FAT2: variants seen among roughly 807,000 people sequenced by gnomAD.
FAT2 encodes the protein protocadherin Fat 2.
In FAT2, 150 loss-of-function variants were observed where a neutral mutation model predicts 295.3. The observed-to-expected ratio is 0.51, with a 90% CI of 0.44 to 0.58. The LOEUF is 0.58. FAT2 is among the 20% of genes least tolerant of loss of function. FAT2 has a pLI of 0.00. For missense variants in FAT2, 4,868 were observed against 5,442.7 expected, an observed-to-expected ratio of 0.89 and a Z score of 3.32; for synonymous variants, 2,026 against 2,150.3, an observed-to-expected ratio of 0.94 and a Z score of 1.60.
At position 151,568,561 on chromosome 5, in the gene FAT2, T is replaced by G. The variant is rs564490618; in HGVS notation, c.371A>C (p.Lys124Thr). ...GGTCAAAGCTTCCAACTCCAAGGTC[T>G]TCTCTGTGGCTTGGATGATGAGGGT... ...SYTLIIQATE[K>T]TLELEALTRV... Residue 124 changes from lysine to threonine, a missense_variant, in exon 2 of 24, where the codon AAG becomes ACG. Coordinates refer to ENST00000261800, the MANE Select transcript of FAT2 (RefSeq NM_001447.3). 6.2e-7 allele frequency: 1 copy of G among 1,614,112 alleles called. No homozygotes were observed. Among genetic ancestry groups the G allele is most frequent in the South Asian group, 1.1e-5 (1 of 91,066 alleles).
rs751529798 is a variant in FAT2 at position 151,568,322 on chromosome 5, T to A, written c.610A>T (p.Thr204Ser). The change falls in exon 2 of 24, where the codon ACT becomes TCT. Residue 204 changes from threonine to serine, a missense_variant. Physicochemically the swap from Thr to Ser is moderately conservative, Grantham distance 58 (BLOSUM62 1). This residue lies in a region of FAT2 where 3,297 missense variants were observed against 3,669.4 expected (regional missense o/e 0.90). Coordinates refer to ENST00000261800, the MANE Select transcript of FAT2 (RefSeq NM_001447.3). ...FAIHPTSGVVTVAGKLNVTWR... is the reference protein window; with the variant it reads ...FAIHPTSGVVSVAGKLNVTWR... ...GTGACGTTAAGCTTCCCAGCCACAG[T>A]GACCACACCGCTGGTGGGATGGATG... 1 of 1,614,226 alleles carries A rather than the reference T, an allele frequency of 6.2e-7. No homozygotes were observed. The highest frequency in any genetic ancestry group is 8.5e-7 in the Non-Finnish European group (1 of 1,180,034).
chr5:151,594,475 A>G (rs559502796), upstream of FAT2, among the ~76,000 whole-genome samples: 10 of 150,760 alleles, frequency 6.6e-5, no homozygotes, highest in South Asian at 1.2e-3. Context: ...TTCATAACTG[A>G]TTCTGAAGCC....
At chr5:151,537,277 T>TGGAGGA (rs1296981376) in intron 12 of FAT2, among the ~76,000 whole-genome samples, 1 of 132,874 alleles carries the variant, frequency 7.5e-6, no homozygotes, top group Admixed American at 7.6e-5. Flanking sequence ...ATGGTGGTGG[T>TGGAGGA]GGAGGAGGAG....
intron 8 of FAT2, 90 bp downstream of exon 8, chr5:151,550,500 G>T: frequency 2.1e-6 from 3 of 1,425,844 alleles, no homozygotes; most frequent in Non-Finnish European, 2.9e-6. Context: ...CTTATGAGGG[G>T]AAGGGGGACC....
At position 151,545,180 on chromosome 5, in the gene FAT2, C is replaced by T. The variant is rs1245487757; in HGVS notation, c.5947G>A (p.Asp1983Asn). 6.2e-7 allele frequency: 1 copy of T among 1,614,076 alleles called. No individual in the cohort carries two copies. Among genetic ancestry groups the T allele is most frequent in the East Asian group, 2.2e-5 (1 of 44,902 alleles). The change falls in exon 10 of 24, where the codon GAC becomes AAC. Residue 1983 changes from aspartate to asparagine, a missense_variant. Around this residue, in one of 5 missense-constraint regions of FAT2, gnomAD observed 3,297 missense variants for 3,669.4 expected, o/e 0.90. Coordinates refer to ENST00000261800, the MANE Select transcript of FAT2 (RefSeq NM_001447.3). The part of the protein sequence containing the change: ...YWAAVKENLQ[D>N]RKALVILGAQ... ...CCAAGAATCACCAGTGCCTTTCTGT[C>T]CTGCAAGTTCTCCTTCACAGCTGCC...
At position 151,529,475 on chromosome 5, in the gene FAT2, G is replaced by T. The variant is rs955580487; in HGVS notation, c.9812-83C>A. On this transcript the variant is annotated intron_variant, in intron 14 of 23. Coordinates refer to ENST00000261800, the MANE Select transcript of FAT2 (RefSeq NM_001447.3). ...ACTGAGGGTCTGAGCCCAGCCCTAG[G>T]AGAGGCAGCTCAACAGGGCTAGGCA... is the stretch of plus-strand genomic sequence containing the variant. 3.4e-6 allele frequency: 4 copies of T among 1,193,898 alleles called. No individual in the cohort carries two copies. In the African/African-American group the frequency reaches 6.0e-5, roughly 18 times the overall value. The allele number at this position is 1,193,898 out of a possible 1,614,324, so 74.0% of individuals were successfully genotyped here.
At position 151,505,852 on chromosome 5, in the gene FAT2, G is replaced by A. The variant is rs765038227; in HGVS notation, c.12763C>T (p.Arg4255Trp). The change falls in exon 24 of 24, where the codon CGG (arginine) becomes TGG (tryptophan). Residue 4255 changes from arginine to tryptophan, a missense_variant. Around this residue, in one of 5 missense-constraint regions of FAT2, gnomAD observed 492 missense variants for 482.6 expected, o/e 1.02. Coordinates refer to ENST00000261800, the MANE Select transcript of FAT2 (RefSeq NM_001447.3). ...AGGCGCTCCCGGGGACTAGGGGGCCGAGAGGGCATCAGATCTTCCAGGTTC... is the reference window on the plus strand; with the variant it reads ...AGGCGCTCCCGGGGACTAGGGGGCCAAGAGGGCATCAGATCTTCCAGGTTC... Reference protein sequence around the residue: ...NQNLEDLMPSRPPSPRERLVA... With the variant: ...NQNLEDLMPSWPPSPRERLVA... The A allele has an allele frequency of 6.2e-5, 100 of 1,610,838 alleles. No individual in the cohort carries two copies. Among genetic ancestry groups the A allele is most frequent in the Middle Eastern group, 1.7e-4 (1 of 6,044 alleles).
chr5:151,524,180 CT>C (rs1261921587), intron 18 of FAT2, among the ~76,000 whole-genome samples: 1 of 152,142 alleles, frequency 6.6e-6, no homozygotes, highest in African/African-American at 2.4e-5. Flanking sequence ...CTCCAACCAC[CT>C]CTCATTGTAC....
chr5:151,547,640 TTCAG>T (rs1204830010), intron 9 of FAT2, among the ~76,000 whole-genome samples: 1 of 152,200 alleles, frequency 6.6e-6, no homozygotes, highest in Non-Finnish European at 1.5e-5. Flanking sequence ...AACCGCTAAA[TTCAG>T]TCAAAGAACA....
rs144940343 is a variant in FAT2, at chr5:151,542,739, T to C, written c.8388A>G (p.Val2796=). ...CAGCCTTATATGGATCAGCCTCAAA[T>C]ACAGGCCTATTGTCATTGACGTCTC... ...QVGDVNDNRP[V]FEADPYKAVL... is the part of the protein sequence containing the mutation. Residue 2796 remains valine (V), a synonymous_variant, in exon 10 of 24, where the codon GTA becomes GTG. Transcript: ENST00000261800. 4.5e-4 allele frequency: 730 copies of C among 1,614,198 alleles called. 6 individuals are homozygous for C. The African/African-American group carries it at 8.6e-3, about 19-fold the overall frequency.
Position 151,534,491 on chromosome 5 carries a change from G to T in FAT2, c.9345C>A (p.Pro3115=), listed in dbSNP as rs1165933537. ...DVNDNAPRFF[P]SHCAVAVFDN... ...CGAAGACAGCCACAGCACAGTGGCT[G>T]GGGAAGAACCGCGGGGCATTGTCAT... The change falls in exon 13 of 24, where the codon CCC becomes CCA. Residue 3115 remains proline (P), a synonymous_variant. Coordinates refer to ENST00000261800, the MANE Select transcript of FAT2 (RefSeq NM_001447.3). 1.2e-6 allele frequency: 2 copies of T among 1,614,082 alleles called. No homozygotes were observed. Among genetic ancestry groups the T allele is most frequent in the Non-Finnish European group, 8.5e-7 (1 of 1,180,020 alleles).
At chr5:151,522,553 T>C (rs1487289847) in intron 18 of FAT2, among the ~76,000 whole-genome samples, 1 of 152,222 alleles carries the variant, frequency 6.6e-6, no homozygotes, top group Non-Finnish European at 1.5e-5. Context: ...TCGGGATTTG[T>C]CCTTCTAGTC....
At chr5:151,588,863 T>TG (rs1292069545) in intron 1 of FAT2, among the ~76,000 whole-genome samples, 10 of 152,212 alleles carry the variant, frequency 6.6e-5, no homozygotes, top group Non-Finnish European at 1.5e-4. Context: ...TTACCTTCCA[T>TG]GCACCCCCTC....
intron 20 of FAT2, among the ~76,000 whole-genome samples, chr5:151,514,548 T>C (rs1752646470): frequency 1.3e-5 from 2 of 152,242 alleles, no homozygotes; most frequent in African/African-American, 2.4e-5. Flanking sequence ...GCAGCTTTGC[T>C]CACGAGCCTC....
In FAT2 at chr5:151,550,629, G is replaced by A; in HGVS notation, c.4539C>T (p.Asp1513=). The stretch of plus-strand genomic sequence containing the variant: ...TGTGCTGGGAGGGCCCCGAGCCGAG[G>A]TCCAATTTTCCCACCGTTACCAGGA... The part of the protein sequence containing the change: ...SGVLVTVGKL[D]LGSGPSQHTL... Residue 1513 remains aspartate, a synonymous_variant, in exon 8 of 24, where the codon GAC becomes GAT. Coordinates refer to ENST00000261800, the MANE Select transcript of FAT2 (RefSeq NM_001447.3). 6.2e-7 allele frequency: 1 copy of A among 1,614,102 alleles called. No homozygotes were observed. The highest frequency in any genetic ancestry group is 8.5e-7 in the Non-Finnish European group (1 of 1,180,002).
chr5:151,531,948 G>A lies in FAT2; in HGVS notation c.9450C>T (p.Tyr3150=), dbSNP rs962275916. Residue 3150 remains tyrosine, a synonymous_variant, in exon 14 of 24, where the codon TAC becomes TAT. Coordinates refer to ENST00000261800, the MANE Select transcript of FAT2 (RefSeq NM_001447.3). The surrounding 1 kb of genome is among the most constrained non-coding windows in gnomAD (Gnocchi z 5.7). Reference sequence around the variant, plus strand: ...GGCCTTCGGCTGAATCCGGCAGAGAGTAAACCACCTGGGCATTGGCGCCTG... The same window carrying A: ...GGCCTTCGGCTGAATCCGGCAGAGAATAAACCACCTGGGCATTGGCGCCTG... ...PDQGANAQVV[Y]SLPDSAEGHF... is the part of the protein sequence containing the mutation. 6.2e-7 allele frequency: 1 copy of A among 1,614,090 alleles called. No individual in the cohort carries two copies. The highest frequency in any genetic ancestry group is 1.3e-5 in the African/African-American group (1 of 74,940).
chr5:151,567,408 G>T lies in FAT2; in HGVS notation c.1524C>A (p.Asp508Glu), dbSNP rs1758328260. ...AGPKALPFSIDPYLGIISTSK... is the reference protein window; with the variant it reads ...AGPKALPFSIEPYLGIISTSK... ...AGGTGGAGATGATCCCCAGGTAGGG[G>T]TCAATAGAAAATGGCAAAGCTTTTG... Residue 508 changes from aspartate to glutamate, a missense_variant, in exon 2 of 24, where the codon GAC becomes GAA. Transcript: ENST00000261800. 1.2e-6 allele frequency: 2 copies of T among 1,614,148 alleles called. No individual in the cohort carries two copies.
chr5:151,522,270 A>T, intron 18 of FAT2, 184 bp from the exon 19 acceptor site: 1 of 555,040 alleles, frequency 1.8e-6, no homozygotes, highest in Non-Finnish European at 3.2e-6. Flanking sequence ...GAAAAGAAAG[A>T]TTTTCTGAAG....
rs534833542 is a variant in FAT2 at position 151,512,835 on chromosome 5, A to T, written c.11464-229T>A. ...TGGGATGGTCTGGGTAGGGGGTGAC[A>T]TCTCCATTCACAGATGAGGAAACTG... On this transcript the variant is annotated intron_variant, in intron 20 of 23. Transcript: ENST00000261800. The surrounding 1 kb of genome is among the most constrained non-coding windows in gnomAD (Gnocchi z 4.1). 62 of 559,092 alleles carry T rather than the reference A, an allele frequency of 1.1e-4. No individual in the cohort carries two copies. The highest frequency in any genetic ancestry group is 1.1e-3 in the African/African-American group (59 of 53,384). The allele number at this position is 559,092 out of a possible 1,614,324, so 34.6% of individuals were successfully genotyped here.
Sources: gnomAD v4.1 joint callset for allele counts (sites outside exome capture counted in the v4.1 genomes callset) on GRCh38, gnomAD v4.1.1 for gene constraint, gnomAD v4.1.1 regional missense constraint, Gnocchi (gnomAD v3.1) non-coding constraint, MANE v1.5 for transcripts, NCBI Gene and HGNC (gene_info 2026-07-23, HGNC 2026-07-21) for gene names.